Variants in NRXN3 observed in about 807,000 individuals in gnomAD.
NRXN3 encodes the protein neurexin 3.
A neutral mutation model predicts 137.6 loss-of-function variants in NRXN3; 32 were observed. That is an observed-to-expected ratio of 0.23 (90% CI 0.18 to 0.31). The LOEUF (loss-of-function observed/expected upper bound fraction) is 0.31. NRXN3 is among the 10% of genes least tolerant of loss of function. NRXN3 has a pLI of 1.00. For synonymous variants in NRXN3, 798 were observed against 784.5 expected, an observed-to-expected ratio of 1.02 and a Z score of -0.29; for missense variants, 1,574 against 2,062.5, an observed-to-expected ratio of 0.76 and a Z score of 4.59.
chr14:78,775,472 T>C (rs1186198320), intron 8 of NRXN3, among the ~76,000 whole-genome samples: 1 of 152,190 alleles, frequency 6.6e-6, no homozygotes, highest in East Asian at 1.9e-4. Flanking sequence ...TTTGTATTGT[T>C]TTGTTTTTTG....
intron 4 of NRXN3, among the ~76,000 whole-genome samples, chr14:78,553,298 G>C (rs1375905019): frequency 1.3e-5 from 2 of 152,186 alleles, no homozygotes; most frequent in Non-Finnish European, 2.9e-5. Context: ...CCAGCCTCTA[G>C]TTTGAGGAGC....
intron 2 of NRXN3, among the ~76,000 whole-genome samples, chr14:78,274,194 G>A (rs1371897279): frequency 1.3e-5 from 2 of 152,216 alleles, no homozygotes; most frequent in Non-Finnish European, 2.9e-5. Flanking sequence ...CAATGGTTAT[G>A]TATTAGTCTG....
rs2099417808 is a variant in NRXN3, at chr14:79,865,662, G to A, written c.*3698G>A. On this transcript the variant is annotated 3_prime_UTR_variant, in exon 21 of 21. Transcript: ENST00000335750. ...TTCTCCCATCATTTTTTGAGATGGA[G>A]TCTTGCAGCCTACAGTGCAGTGGCA... 1 of 152,006 alleles carries A rather than the reference G, an allele frequency of 6.6e-6. No individual in the cohort carries two copies. The highest frequency in any genetic ancestry group is 1.5e-5 in the Non-Finnish European group (1 of 67,998). 9.4% of individuals were successfully genotyped at this position (152,006 alleles called of 1,614,324 possible).
intron 15 of NRXN3, among the ~76,000 whole-genome samples, chr14:79,132,195 G>A (rs533309421): frequency 2.6e-5 from 4 of 152,328 alleles, no homozygotes; most frequent in African/African-American, 7.2e-5. Context: ...CGCCATCTTG[G>A]CTCCTCCAAC....
chr14:78,698,345 C>T (rs1360797339), intron 6 of NRXN3: 2 of 152,016 alleles, frequency 1.3e-5, no homozygotes, highest in Non-Finnish European at 1.5e-5. Flanking sequence ...TGTCTTTGAG[C>T]CTCTCAGATT....
intron 4 of NRXN3, among the ~76,000 whole-genome samples, chr14:78,525,785 T>G (rs1368544347): frequency 6.6e-6 from 1 of 152,202 alleles, no homozygotes; most frequent in Non-Finnish European, 1.5e-5. Flanking sequence ...TTCTCCTGGT[T>G]TTGCTCCTCC....
intron 4 of NRXN3, among the ~76,000 whole-genome samples, chr14:78,472,766 G>T (rs1304354600): frequency 1.3e-5 from 2 of 152,172 alleles, no homozygotes; most frequent in East Asian, 3.9e-4. Context: ...CCTATTTTAA[G>T]ATAAAGGACA....
At position 78,881,645 on chromosome 14, in the gene NRXN3, G is replaced by C. The variant is rs116535264; in HGVS notation, c.2275+71301G>C. ...CAGCAAAGTGTTCAAGACGTGACTT[G>C]GGTGCTGTAAAAAGCATTCAATTTT... On this transcript the variant is annotated intron_variant, in intron 10 of 20. Transcript: ENST00000335750. Among the ~76,000 whole-genome samples the C allele has an allele frequency of 4.3e-3, 654 of 151,644 alleles. 29 individuals are homozygous for C. Among genetic ancestry groups the C allele is most frequent in the African/African-American group, 0.015 (623 of 40,980 alleles).
At chr14:79,642,529 C>T (rs1310404063) in intron 16 of NRXN3, among the ~76,000 whole-genome samples, 1 of 134,786 alleles carries the variant, frequency 7.4e-6, no homozygotes, top group African/African-American at 2.5e-5. Flanking sequence ...GAACTTGTAA[C>T]AATATCTCTC....
At chr14:79,846,083 C>T (rs1228255303) in intron 20 of NRXN3, among the ~76,000 whole-genome samples, 1 of 151,956 alleles carries the variant, frequency 6.6e-6, no homozygotes, top group Non-Finnish European at 1.5e-5. Context: ...ATCACCATAA[C>T]AGATACAGTA....
chr14:79,198,943 G>A (rs1222221481), intron 15 of NRXN3, among the ~76,000 whole-genome samples: 1 of 152,178 alleles, frequency 6.6e-6, no homozygotes, highest in Non-Finnish European at 1.5e-5. Context: ...GAGAAAGGCG[G>A]ATCACGAAGT....
intron 16 of NRXN3, among the ~76,000 whole-genome samples, chr14:79,537,252 A>G (rs999332696): frequency 6.6e-6 from 1 of 151,268 alleles, no homozygotes; most frequent in South Asian, 2.1e-4. Flanking sequence ...GGCTGCATAA[A>G]TGTTTTCTTT....
intron 19 of NRXN3, among the ~76,000 whole-genome samples, chr14:79,740,711 TTTA>T (rs1568073038): frequency 4.7e-4 from 7 of 14,918 alleles, no homozygotes; most frequent in Non-Finnish European, 6.5e-4. Context: ...CATTTAGTTT[TTTA>T]TATATATATA....
At chr14:78,720,193 T>C (rs1355684338) in intron 8 of NRXN3, among the ~76,000 whole-genome samples, 1 of 152,190 alleles carries the variant, frequency 6.6e-6, no homozygotes, top group Admixed American at 6.5e-5. Context: ...GTCATCTATA[T>C]GTTAGTGACT....
At chr14:79,343,475 G>A (rs570246724) in intron 15 of NRXN3, among the ~76,000 whole-genome samples, 2 of 152,262 alleles carry the variant, frequency 1.3e-5, no homozygotes, top group Non-Finnish European at 2.9e-5. Context: ...TAACTGAAAA[G>A]AACAGCCTGG....
intron 8 of NRXN3, among the ~76,000 whole-genome samples, chr14:78,791,297 G>C (rs1449451903): frequency 6.6e-6 from 1 of 152,110 alleles, no homozygotes; most frequent in Non-Finnish European, 1.5e-5. Flanking sequence ...CTGCCTGCTA[G>C]GGGTTTTCTC....
chr14:79,381,926 G>A (rs1222254120), intron 15 of NRXN3, among the ~76,000 whole-genome samples: 1 of 152,134 alleles, frequency 6.6e-6, no homozygotes, highest in Non-Finnish European at 1.5e-5. Context: ...CTGGAAGCCT[G>A]CCACATTATC....
At chr14:79,222,735 G>A (rs1293132647) in intron 15 of NRXN3, among the ~76,000 whole-genome samples, 1 of 103,436 alleles carries the variant, frequency 9.7e-6, no homozygotes, top group Admixed American at 9.4e-5. Flanking sequence ...GATGTATAAT[G>A]GCATCTCATT....
intron 8 of NRXN3, among the ~76,000 whole-genome samples, chr14:78,725,790 G>A (rs2098480233): frequency 6.6e-6 from 1 of 152,128 alleles, no homozygotes; most frequent in Admixed American, 6.5e-5. Context: ...ATATACCCCT[G>A]GACAAAATTC....
Sources: allele counts gnomAD v4.1 joint callset (sites outside exome capture counted in the v4.1 genomes callset), GRCh38; gene constraint gnomAD v4.1.1; transcripts MANE v1.5; gene names NCBI Gene and HGNC (gene_info 2026-07-23, HGNC 2026-07-21).